The following TBC1D22A variants were observed in gnomAD, a reference collection of about 807,000 sequenced individuals.
TBC1D22A encodes putative GTPase activator.
In TBC1D22A, 38 loss-of-function variants were observed where a neutral mutation model predicts 60.2. The observed-to-expected ratio is 0.63, with a 90% CI of 0.49 to 0.83. The LOEUF (loss-of-function observed/expected upper bound fraction) is 0.83, where lower values mean the gene tolerates loss of function less well. Among genes scored for constraint, TBC1D22A ranks in the 40% least tolerant of loss-of-function variants. The pLI is 0.00. For missense variants in TBC1D22A, 628 were observed against 701.0 expected (o/e 0.90, Z 1.18); for synonymous variants, 302 against 281.7 (o/e 1.07, Z -0.72).
intron 3 of TBC1D22A, among the ~76,000 whole-genome samples, chr22:46,794,495 C>G (rs1410103265): frequency 2.6e-5 from 4 of 152,202 alleles, no homozygotes; most frequent in Non-Finnish European, 5.9e-5. Flanking sequence ...GCCATCACGT[C>G]TGTGATGGAA....
intron 4 of TBC1D22A, among the ~76,000 whole-genome samples, chr22:46,829,287 C>T (rs887723343): frequency 6.6e-6 from 1 of 152,130 alleles, no homozygotes; most frequent in African/African-American, 2.4e-5. Context: ...CTTCAGGTTC[C>T]GTGGTTCAGG....
At chr22:47,160,836 C>T (rs1399226208) in intron 12 of TBC1D22A, among the ~76,000 whole-genome samples, 1 of 152,130 alleles carries the variant, frequency 6.6e-6, no homozygotes, top group African/African-American at 2.4e-5. Context: ...CCCTGGCACC[C>T]CATGCCCTCC....
chr22:46,932,927 G>T (rs1021741284), intron 8 of TBC1D22A, among the ~76,000 whole-genome samples: 1 of 152,072 alleles, frequency 6.6e-6, no homozygotes, highest in Admixed American at 6.5e-5. Flanking sequence ...GTTTCACCAT[G>T]TTGGTTAGGC....
chr22:46,914,602 C>A (rs989815313), intron 8 of TBC1D22A: 1 of 152,368 alleles, frequency 6.6e-6, no homozygotes, highest in Non-Finnish European at 1.5e-5. Context: ...GGTGTGCTGT[C>A]CAGATTCCTT....
chr22:46,965,403 T>C (rs2073751559), intron 8 of TBC1D22A, among the ~76,000 whole-genome samples: 1 of 152,196 alleles, frequency 6.6e-6, no homozygotes, highest in Non-Finnish European at 1.5e-5. Context: ...ACTGTTTTTC[T>C]CCTGGATTCC....
chr22:46,847,926 T>G (rs113139126), intron 4 of TBC1D22A, among the ~76,000 whole-genome samples: 15 of 117,056 alleles, frequency 1.3e-4, no homozygotes, highest in African/African-American at 5.0e-4. Flanking sequence ...TGGGTGTGTG[T>G]GTGTGTGTGT....
chr22:47,110,954 T>C (rs2065822973), intron 11 of TBC1D22A, among the ~76,000 whole-genome samples: 1 of 152,066 alleles, frequency 6.6e-6, no homozygotes, highest in Non-Finnish European at 1.5e-5. Context: ...AGGAGAGACA[T>C]GGGTGGTGAT....
intron 1 of TBC1D22A, chr22:46,773,915 G>T (rs2083592647): frequency 1.0e-6 from 1 of 985,204 alleles, no homozygotes; most frequent in Non-Finnish European, 1.2e-6. Flanking sequence ...GCAAAGCTGG[G>T]GTTTGAACCT....
chr22:46,937,540 T>G (rs1356755191), intron 8 of TBC1D22A, among the ~76,000 whole-genome samples: 1 of 152,210 alleles, frequency 6.6e-6, no homozygotes, highest in Non-Finnish European at 1.5e-5. Context: ...CTGGTTTAAG[T>G]GCTTAGTATA....
intron 10 of TBC1D22A, among the ~76,000 whole-genome samples, chr22:46,998,327 C>G (rs2075190412): frequency 6.6e-6 from 1 of 152,020 alleles, no homozygotes; most frequent in South Asian, 2.1e-4. Context: ...GGCATATTCT[C>G]CTGATAGTTT....
intron 10 of TBC1D22A, among the ~76,000 whole-genome samples, chr22:47,030,550 T>G (rs1222995466): frequency 1.3e-5 from 2 of 152,234 alleles, no homozygotes; most frequent in Non-Finnish European, 2.9e-5. Context: ...ATGACACATC[T>G]CTTCCTGGTG....
chr22:46,801,240 G>T (rs908538300), intron 4 of TBC1D22A, among the ~76,000 whole-genome samples: 26 of 152,104 alleles, frequency 1.7e-4, no homozygotes, highest in African/African-American at 6.3e-4. Context: ...AGAAAACATC[G>T]CCAGTAAATT....
chr22:46,762,659 T>C lies in TBC1D22A; in HGVS notation c.-128T>C, dbSNP rs919834460. On this transcript the variant is annotated 5_prime_UTR_variant, in exon 1 of 13. Transcript: ENST00000337137. ...ACTTCCGGAAGGAGGCGGAAGAGCT[T>C]CTCGGCTCTAGGCTCTGGAGTCCCG... 2.7e-6 allele frequency: 2 copies of C among 734,992 alleles called. No homozygotes were observed. The highest frequency in any genetic ancestry group is 1.9e-5 in the African/African-American group (1 of 53,742). The allele number at this position is 734,992 out of a possible 1,614,324, so 45.5% of individuals were successfully genotyped here.
At chr22:46,959,202 A>T (rs1422040784) in intron 8 of TBC1D22A, among the ~76,000 whole-genome samples, 2 of 152,078 alleles carry the variant, frequency 1.3e-5, no homozygotes, top group Non-Finnish European at 2.9e-5. Context: ...AACCAAAGCA[A>T]CCCCTAAACT....
rs573524086 is a variant in TBC1D22A, at chr22:46,884,477, C to G, written c.708+5754C>G. Among the ~76,000 whole-genome samples the G allele has an allele frequency of 1.4e-4, 21 of 152,262 alleles. No homozygotes were observed. The East Asian group carries it at 4.1e-3, about 29-fold the overall frequency. ...GTAACAGGAAGCAGTGCCGTGGGCT[C>G]CTCCCACAGCCGGGGAGGTGGAGAC... On this transcript the variant is annotated intron_variant, in intron 5 of 12. Coordinates refer to ENST00000337137, the MANE Select transcript of TBC1D22A (RefSeq NM_014346.5).
chr22:47,042,226 A>C (rs2062869113), intron 11 of TBC1D22A, among the ~76,000 whole-genome samples: 1 of 152,202 alleles, frequency 6.6e-6, no homozygotes, highest in South Asian at 2.1e-4. Flanking sequence ...GCACCGTGCG[A>C]ATGGGGTTCC....
intron 9 of TBC1D22A, among the ~76,000 whole-genome samples, chr22:46,989,730 A>C (rs896838774): frequency 7.2e-5 from 11 of 151,768 alleles, no homozygotes; most frequent in African/African-American, 2.2e-4. Flanking sequence ...AGTTTGAAAT[A>C]TTAAGAGAAT....
chr22:46,988,364 C>A (rs1187304086), intron 9 of TBC1D22A, among the ~76,000 whole-genome samples: 1 of 152,228 alleles, frequency 6.6e-6, no homozygotes, highest in Non-Finnish European at 1.5e-5. Flanking sequence ...AAAGCAGGTC[C>A]TTTCCACAGG....
In TBC1D22A at chr22:46,832,433, G is replaced by C. The variant is rs1390739203; in HGVS notation, c.637+34813G>C. Among the ~76,000 whole-genome samples the C allele has an allele frequency of 4.6e-5, 7 of 152,304 alleles. No individual in the cohort carries two copies. In the East Asian group the frequency reaches 1.2e-3, roughly 25 times the overall value. On this transcript the variant is annotated intron_variant, in intron 4 of 12. Transcript: ENST00000337137. ...TGAGAGGCTGAAGTGAGTGGATCAC[G>C]AGGTCAGGAGTTCGAGACAAGCCTG...
Sources: gnomAD v4.1 joint callset for allele counts (sites outside exome capture counted in the v4.1 genomes callset) on GRCh38, gnomAD v4.1.1 for gene constraint, MANE v1.5 for transcripts, NCBI Gene and HGNC (gene_info 2026-07-23, HGNC 2026-07-21) for gene names.